Variants in GPBP1 observed in about 807,000 individuals in gnomAD.
The protein encoded by GPBP1 is vasculin.
In GPBP1, 13 loss-of-function variants were observed where a neutral mutation model predicts 56.5. The ratio of observed to expected loss-of-function variants is 0.23; its 90% CI spans 0.15 to 0.37. The LOEUF is 0.37. Ranked by LOEUF, GPBP1 falls within the 10% of genes least tolerant of loss-of-function variation. GPBP1 has a pLI of 1.00. For missense variants in GPBP1, 477 were observed against 572.3 expected (o/e 0.83, Z 1.70); for synonymous variants, 204 against 188.9 (o/e 1.08, Z -0.66).
intron 2 of GPBP1, among the ~76,000 whole-genome samples, chr5:57,211,564 G>A (rs1561341897): frequency 9.4e-6 from 1 of 106,454 alleles, no homozygotes; most frequent in Non-Finnish European, 2.2e-5. Context: ...TTAGTGGTTT[G>A]CCTCCGGGGA....
intron 3 of GPBP1, among the ~76,000 whole-genome samples, chr5:57,217,311 G>C (rs772129131): frequency 6.6e-6 from 1 of 152,056 alleles, no homozygotes; most frequent in Non-Finnish European, 1.5e-5. Flanking sequence ...GGTGGCTCAC[G>C]CCTATAATCC....
intron 2 of GPBP1, among the ~76,000 whole-genome samples, chr5:57,177,518 G>A (rs1753837741): frequency 6.6e-6 from 1 of 152,038 alleles, no homozygotes; most frequent in Non-Finnish European, 1.5e-5. Context: ...TTGTTGCCCA[G>A]GATGGAGTAC....
chr5:57,223,979 G>A (rs1208606901), intron 3 of GPBP1, among the ~76,000 whole-genome samples: 3 of 150,548 alleles, frequency 2.0e-5, no homozygotes, highest in African/African-American at 7.3e-5. Context: ...GACTATAGGC[G>A]CCCGCCACCA....
At position 57,187,474 on chromosome 5, in the gene GPBP1, G is replaced by A. The variant is rs189665950; in HGVS notation, c.-58+11074G>A. Reference sequence around the variant, plus strand: ...GAAATGTTTGAGTGCCTATGGTATCGTTGGTGCTGGGGATTTTCTAGTGAA... The same window carrying A: ...GAAATGTTTGAGTGCCTATGGTATCATTGGTGCTGGGGATTTTCTAGTGAA... On this transcript the variant is annotated intron_variant, in intron 2 of 11. Coordinates refer to ENST00000506184, the MANE Select transcript of GPBP1 (RefSeq NM_022913.4). Among the ~76,000 whole-genome samples the A allele has an allele frequency of 9.9e-5, 15 of 152,262 alleles. No individual in the cohort carries two copies. The South Asian group carries it at 2.7e-3, about 27-fold the overall frequency.
chr5:57,234,907 G>C (rs1363928099), intron 5 of GPBP1, among the ~76,000 whole-genome samples: 1 of 152,150 alleles, frequency 6.6e-6, no homozygotes. Context: ...ACAGATTATA[G>C]CTTGGTGAAA....
At chr5:57,179,879 G>A (rs1049395290) in intron 2 of GPBP1, among the ~76,000 whole-genome samples, 1 of 152,154 alleles carries the variant, frequency 6.6e-6, no homozygotes, top group Non-Finnish European at 1.5e-5. Flanking sequence ...TTATGGGTGA[G>A]AGCCACTGGG....
Position 57,230,864 on chromosome 5 carries a change from A to G in GPBP1, c.82A>G (p.Lys28Glu). 1 of 1,607,280 alleles carries G rather than the reference A, an allele frequency of 6.2e-7. No individual in the cohort carries two copies. The highest frequency in any genetic ancestry group is 2.2e-5 in the East Asian group (1 of 44,832). Residue 28 changes from lysine (K) to glutamate (E), a missense_variant, in exon 4 of 12, where the codon AAG becomes GAG. Lys to Glu is a moderately conservative substitution (Grantham distance 56). Around this residue, in one of 2 missense-constraint regions of GPBP1, gnomAD observed 414 missense variants for 458.2 expected, o/e 0.90. Coordinates refer to ENST00000506184, the MANE Select transcript of GPBP1 (RefSeq NM_022913.4). ...SSTKSSLNFE[K>E]HSENFAWTEN... ...GTTTCAGTCGTCATTGAATTTTGAGAAGCATTCTGAAAACTTTGCATGGAC... is the reference window on the plus strand; with the variant it reads ...GTTTCAGTCGTCATTGAATTTTGAGGAGCATTCTGAAAACTTTGCATGGAC...
At chr5:57,225,331 A>G (rs1246367877) in intron 3 of GPBP1, among the ~76,000 whole-genome samples, 2 of 150,726 alleles carry the variant, frequency 1.3e-5, no homozygotes, top group South Asian at 2.1e-4. Context: ...CGTCTCTACT[A>G]AAAATACAAA....
intron 2 of GPBP1, among the ~76,000 whole-genome samples, chr5:57,209,785 A>G (rs1006804062): frequency 3.3e-5 from 5 of 152,200 alleles, no homozygotes; most frequent in Non-Finnish European, 7.4e-5. Context: ...AATGTGGTGT[A>G]TTATTGATTG....
chr5:57,188,988 G>C (rs1266749174), intron 2 of GPBP1, among the ~76,000 whole-genome samples: 1 of 152,032 alleles, frequency 6.6e-6, no homozygotes, highest in African/African-American at 2.4e-5. Context: ...CTTTCTGTCT[G>C]TCTGTCTGTC....
At chr5:57,251,212 G>C in intron 10 of GPBP1, 71 bp downstream of exon 10, 3 of 1,306,462 alleles carry the variant, frequency 2.3e-6, no homozygotes, top group Non-Finnish European at 3.2e-6. Context: ...GAGTTTTTAC[G>C]TGATTTAACA....
intron 1 of GPBP1, among the ~76,000 whole-genome samples, chr5:57,174,737 C>T (rs1753721817): frequency 6.6e-6 from 1 of 152,196 alleles, no homozygotes; most frequent in African/African-American, 2.4e-5. Context: ...TCTGAGGGGA[C>T]ATGTGCATTT....
At chr5:57,230,802 T>A (rs1238989587) in intron 3 of GPBP1, 44 bp from the exon 4 acceptor site, 1 of 1,525,586 alleles carries the variant, frequency 6.6e-7, no homozygotes, top group East Asian at 2.3e-5. Context: ...TTTAAAGTTA[T>A]ATTTAGGTTT....
In GPBP1 at chr5:57,234,837, A is replaced by G. The variant is rs1246665047; in HGVS notation, c.412-1129A>G. 2.0e-5 allele frequency among the ~76,000 whole-genome samples: 3 copies of G among 151,766 alleles called. No homozygotes were observed. In the South Asian group the frequency reaches 6.2e-4, roughly 31 times the overall value. ...AAATGGAGACCTCAGTCCTACAGCT[A>G]CAAGAAACTGGATTGTGCCCACAAT... On this transcript the variant is annotated intron_variant, in intron 5 of 11. Coordinates refer to ENST00000506184, the MANE Select transcript of GPBP1 (RefSeq NM_022913.4).
At chr5:57,185,364 T>A (rs1259103143) in intron 2 of GPBP1, among the ~76,000 whole-genome samples, 1 of 151,414 alleles carries the variant, frequency 6.6e-6, no homozygotes, top group African/African-American at 2.4e-5. Context: ...CGGGTTTAAG[T>A]GATTCTCCTG....
At chr5:57,221,655 T>A (rs535792227) in intron 3 of GPBP1, among the ~76,000 whole-genome samples, 2 of 152,334 alleles carry the variant, frequency 1.3e-5, no homozygotes, top group Admixed American at 6.5e-5. Context: ...TTTTCATGTT[T>A]GTATTCAATA....
chr5:57,225,429 G>A (rs1349108287), intron 3 of GPBP1, among the ~76,000 whole-genome samples: 1 of 146,630 alleles, frequency 6.8e-6, no homozygotes, highest in Non-Finnish European at 1.5e-5. Context: ...GGGAGGCGGA[G>A]CTTGCAGTGA....
chr5:57,251,230 T>C (rs1201924392), intron 10 of GPBP1, 89 bp downstream of exon 10: 19 of 1,163,140 alleles, frequency 1.6e-5, no homozygotes, highest in Non-Finnish European at 2.3e-5. Context: ...ACAGGTTTAT[T>C]GGAATACAAC....
rs947483758 is a variant in GPBP1, at chr5:57,264,407, T to G, written c.*1655T>G. 1.3e-5 allele frequency: 2 copies of G among 152,164 alleles called. No homozygotes were observed. The highest frequency in any genetic ancestry group is 2.9e-5 in the Non-Finnish European group (2 of 68,002). 9.4% of individuals were successfully genotyped at this position (152,164 alleles called of 1,614,324 possible). The stretch of plus-strand genomic sequence containing the variant: ...AGATTGTACTATTTGCTTAATAGAT[T>G]AATGAAATTTATCAGATACAACCTG... On this transcript the variant is annotated 3_prime_UTR_variant, in exon 12 of 12. Transcript: ENST00000506184.
Sources: gnomAD v4.1 joint callset for allele counts (sites outside exome capture counted in the v4.1 genomes callset) on GRCh38, gnomAD v4.1.1 for gene constraint, gnomAD v4.1.1 regional missense constraint, MANE v1.5 for transcripts, NCBI Gene and HGNC (gene_info 2026-07-23, HGNC 2026-07-21) for gene names.